Variants in MAP3K5 observed in about 807,000 individuals in gnomAD.
The protein encoded by MAP3K5 is mitogen-activated protein kinase kinase kinase 5.
In MAP3K5, 56 loss-of-function variants were observed where a neutral mutation model predicts 158.7. The observed-to-expected ratio is 0.35, with a 90% confidence interval of 0.28 to 0.44. MAP3K5 has a LOEUF of 0.44. Among genes scored for constraint, MAP3K5 ranks in the 20% least tolerant of loss-of-function variants. MAP3K5 has a pLI of 1.00. For synonymous variants in MAP3K5, 579 were observed against 601.7 expected, an observed-to-expected ratio of 0.96 and a Z score of 0.55; for missense variants, 1,294 against 1,674.8, an observed-to-expected ratio of 0.77 and a Z score of 3.97.
intron 1 of MAP3K5, among the ~76,000 whole-genome samples, chr6:136,740,546 A>G (rs905339257): frequency 3.3e-5 from 5 of 152,200 alleles, no homozygotes; most frequent in African/African-American, 1.2e-4. Flanking sequence ...CCAGGTCGTC[A>G]TATCTGAAAG....
At position 136,668,781 on chromosome 6, in the gene MAP3K5, C is replaced by T. The variant is rs1242029656; in HGVS notation, c.1366+502G>A. On this transcript the variant is annotated intron_variant, in intron 8 of 29. Transcript: ENST00000359015. ...ATTCAGAGATGGTCTGAGGAGCCTA[C>T]TTCCTACCAAGACCACCATTTGCTT... 3.3e-5 allele frequency among the ~76,000 whole-genome samples: 5 copies of T among 152,290 alleles called. No homozygotes were observed. The East Asian group carries it at 9.7e-4, about 29-fold the overall frequency.
intron 2 of MAP3K5, among the ~76,000 whole-genome samples, chr6:136,710,592 T>C (rs970009949): frequency 2.0e-5 from 3 of 152,146 alleles, no homozygotes; most frequent in African/African-American, 7.2e-5. Context: ...GATAACTAAA[T>C]GGAGTATTTC....
intron 1 of MAP3K5, among the ~76,000 whole-genome samples, chr6:136,749,086 C>T (rs1003234906): frequency 6.6e-6 from 1 of 152,192 alleles, no homozygotes; most frequent in African/African-American, 2.4e-5. Context: ...TGCCTATAAT[C>T]CCAGTACTTT....
chr6:136,681,596 G>A (rs540492896), intron 7 of MAP3K5, among the ~76,000 whole-genome samples: 7 of 152,254 alleles, frequency 4.6e-5, no homozygotes, highest in African/African-American at 1.4e-4. Flanking sequence ...TCACACCCCT[G>A]CACTCCAGCC....
At chr6:136,591,815 T>A (rs970786434) in intron 23 of MAP3K5, among the ~76,000 whole-genome samples, 3 of 152,186 alleles carry the variant, frequency 2.0e-5, no homozygotes, top group African/African-American at 7.2e-5. Flanking sequence ...CATGCTAATG[T>A]CAGAATTAGC....
chr6:136,719,192 C>T (rs1781652858), intron 2 of MAP3K5, among the ~76,000 whole-genome samples: 2 of 151,872 alleles, frequency 1.3e-5, no homozygotes, highest in Admixed American at 1.3e-4. Context: ...TAAATAAATA[C>T]ATACATACAT....
intron 1 of MAP3K5, among the ~76,000 whole-genome samples, chr6:136,747,301 G>A (rs1396303211): frequency 6.6e-6 from 1 of 152,154 alleles, no homozygotes; most frequent in Non-Finnish European, 1.5e-5. Context: ...AGTAATCCTG[G>A]CATCCATGAC....
At chr6:136,764,118 T>C (rs1195988058) in intron 1 of MAP3K5, among the ~76,000 whole-genome samples, 1 of 152,184 alleles carries the variant, frequency 6.6e-6, no homozygotes, top group South Asian at 2.1e-4. Context: ...CACCTGTACA[T>C]GTGCACACCC....
chr6:136,734,752 T>C (rs1237690418), intron 1 of MAP3K5, among the ~76,000 whole-genome samples: 2 of 152,160 alleles, frequency 1.3e-5, no homozygotes, highest in Non-Finnish European at 2.9e-5. Flanking sequence ...TAGTTTTAAT[T>C]AAACCATCAA....
intron 14 of MAP3K5, among the ~76,000 whole-genome samples, chr6:136,629,766 C>CATTTATTTATTTATTT (rs56675510): frequency 8.8e-5 from 13 of 148,246 alleles, no homozygotes; most frequent in Admixed American, 5.4e-4. Flanking sequence ...ATCTCACCTT[C>CATTTATTTATTTATTT]ATTTATTTAT....
intron 1 of MAP3K5, among the ~76,000 whole-genome samples, chr6:136,753,587 A>G (rs1783321589): frequency 6.6e-6 from 1 of 152,148 alleles, no homozygotes; most frequent in Admixed American, 6.6e-5. Flanking sequence ...AAATTGATGG[A>G]CTCTAAATTA....
At chr6:136,788,141 A>T (rs1784923455) in intron 1 of MAP3K5, among the ~76,000 whole-genome samples, 1 of 152,226 alleles carries the variant, frequency 6.6e-6, no homozygotes, top group Non-Finnish European at 1.5e-5. Context: ...GAAACCACAC[A>T]CCTAACACCA....
chr6:136,658,313 C>CTTTCTTTT (rs1385942479), intron 9 of MAP3K5, among the ~76,000 whole-genome samples: 6 of 90,486 alleles, frequency 6.6e-5, no homozygotes, highest in African/African-American at 2.6e-4. Flanking sequence ...TTCTTTCTTT[C>CTTTCTTTT]TTTTTTTTTT....
chr6:136,755,666 G>T (rs1047756883), intron 1 of MAP3K5, among the ~76,000 whole-genome samples: 1 of 148,472 alleles, frequency 6.7e-6, no homozygotes, highest in Non-Finnish European at 1.5e-5. Flanking sequence ...TCCAGCCTGG[G>T]TGACAGAGCA....
intron 2 of MAP3K5, among the ~76,000 whole-genome samples, chr6:136,720,111 C>A (rs1007292572): frequency 6.6e-6 from 1 of 152,106 alleles, no homozygotes; most frequent in Non-Finnish European, 1.5e-5. Flanking sequence ...TGGTGGGCAC[C>A]ATGAAGCTCC....
chr6:136,750,244 A>AT (rs1463967318), intron 1 of MAP3K5, among the ~76,000 whole-genome samples: 1 of 152,048 alleles, frequency 6.6e-6, no homozygotes, highest in African/African-American at 2.4e-5. Flanking sequence ...CGCCTGGCTA[A>AT]TTTTTGTATT....
At chr6:136,663,075 C>T (rs1364462503) in intron 8 of MAP3K5, among the ~76,000 whole-genome samples, 1 of 152,148 alleles carries the variant, frequency 6.6e-6, no homozygotes, top group African/African-American at 2.4e-5. Flanking sequence ...AGATGCCTAG[C>T]ACTGTGTGTA....
At chr6:136,706,875 C>T (rs1291938842) in intron 2 of MAP3K5, among the ~76,000 whole-genome samples, 2 of 152,164 alleles carry the variant, frequency 1.3e-5, no homozygotes, top group East Asian at 1.9e-4. Context: ...TGCCTGGTGC[C>T]GTGGCTGACG....
intron 1 of MAP3K5, among the ~76,000 whole-genome samples, chr6:136,775,810 C>T (rs556471110): frequency 6.6e-5 from 10 of 152,298 alleles, no homozygotes; most frequent in African/African-American, 2.4e-4. Flanking sequence ...TGTCACAACA[C>T]GGTGGCAACA....
Sources: allele counts gnomAD v4.1 joint callset (sites outside exome capture counted in the v4.1 genomes callset), GRCh38; gene constraint gnomAD v4.1.1; transcripts MANE v1.5; gene names NCBI Gene and HGNC (gene_info 2026-07-23, HGNC 2026-07-21).